BNC2: variants seen among roughly 807,000 people sequenced by gnomAD.
The protein encoded by BNC2 is zinc finger protein basonuclin-2.
In BNC2, 20 loss-of-function variants were observed where a neutral mutation model predicts 76.3. The ratio of observed to expected loss-of-function variants is 0.26; its 90% confidence interval spans 0.18 to 0.38. The LOEUF (loss-of-function observed/expected upper bound fraction) is 0.38, where lower values mean the gene tolerates loss of function less well. Among genes scored for constraint, BNC2 ranks in the 10% least tolerant of loss-of-function variants. The pLI is 1.00. For missense variants in BNC2, 1,382 were observed against 1,399.8 expected, an observed-to-expected ratio of 0.99 and a Z score of 0.20; for synonymous variants, 582 against 514.8, an observed-to-expected ratio of 1.13 and a Z score of -1.77.
intron 5 of BNC2, among the ~76,000 whole-genome samples, chr9:16,470,616 G>C (rs1821802342): frequency 6.6e-6 from 1 of 152,208 alleles, no homozygotes; most frequent in Admixed American, 6.5e-5. Context: ...AGCCGCTCTA[G>C]CTGTGGCTGA....
intron 1 of BNC2, among the ~76,000 whole-genome samples, chr9:16,849,351 G>GTTTT (rs1819068833): frequency 9.1e-6 from 1 of 109,956 alleles, no homozygotes; most frequent in African/African-American, 3.5e-5. Context: ...CCATGCAAAA[G>GTTTT]ATTTTTTTTT....
At chr9:16,539,591 AG>A (rs1379424152) in intron 5 of BNC2, among the ~76,000 whole-genome samples, 2 of 66,290 alleles carry the variant, frequency 3.0e-5, no homozygotes, top group Admixed American at 1.8e-4. Context: ...GAAGGGAGGG[AG>A]GGAGCGAGGG....
intron 3 of BNC2, among the ~76,000 whole-genome samples, chr9:16,663,557 G>T (rs1159879290): frequency 6.6e-6 from 1 of 152,100 alleles, no homozygotes. Flanking sequence ...CTAATATTAT[G>T]ATATTCTTGG....
At chr9:16,420,769 G>T (rs1820694581) in intron 6 of BNC2, among the ~76,000 whole-genome samples, 1 of 151,884 alleles carries the variant, frequency 6.6e-6, no homozygotes, top group African/African-American at 2.4e-5. Context: ...GATTTACAAA[G>T]CCTGATATGT....
At chr9:16,577,559 A>G (rs1819520714) in intron 4 of BNC2, among the ~76,000 whole-genome samples, 1 of 152,158 alleles carries the variant, frequency 6.6e-6, no homozygotes, top group East Asian at 1.9e-4. Context: ...CTGACTGATG[A>G]TCTGGATGAT....
At chr9:16,446,203 ACT>A (rs1056444391) in intron 5 of BNC2, among the ~76,000 whole-genome samples, 24 of 152,154 alleles carry the variant, frequency 1.6e-4, no homozygotes, top group African/African-American at 5.5e-4. Context: ...ATTATATACT[ACT>A]CTCATTATAA....
chr9:16,616,577 T>C (rs1294107418), intron 3 of BNC2, among the ~76,000 whole-genome samples: 1 of 151,300 alleles, frequency 6.6e-6, no homozygotes, highest in African/African-American at 2.4e-5. Flanking sequence ...TCTCAGCAAC[T>C]TGGGAGGCTG....
intron 1 of BNC2, among the ~76,000 whole-genome samples, chr9:16,778,443 T>A (rs1826029911): frequency 1.3e-5 from 2 of 152,094 alleles, no homozygotes; most frequent in South Asian, 4.1e-4. Context: ...AAATCCTTCT[T>A]TTCAGCCAAA....
At chr9:16,706,559 G>A (rs2297174) in intron 3 of BNC2, among the ~76,000 whole-genome samples, 91,015 of 152,084 alleles carry the variant, frequency 0.6, 30,806 homozygotes, top group Non-Finnish European at 0.79. Context: ...TCTCAAAGCA[G>A]GTTAACATGC....
In BNC2 at chr9:16,677,606, C is replaced by CACACACACACAG. The variant is rs1455196025; in HGVS notation, c.330+50190_330+50191insCTGTGTGTGTGT. On this transcript the variant is annotated intron_variant, in intron 3 of 6. Transcript: ENST00000380672. Reference sequence around the variant, plus strand: ...ACACACACACACACACACACACACACAGTAGCAATATCCTGACTACTGGTC... The same window carrying CACACACACACAG: ...ACACACACACACACACACACACACACACACACACACAGAGTAGCAATATCCTGACTACTGGTC... Among the ~76,000 whole-genome samples the CACACACACACAG allele has an allele frequency of 9.8e-4, 149 of 151,396 alleles. 1 individual carries two copies. Among genetic ancestry groups the CACACACACACAG allele is most frequent in the African/African-American group, 3.6e-3 (146 of 40,834 alleles).
intron 5 of BNC2, among the ~76,000 whole-genome samples, chr9:16,515,372 G>T (rs939027636): frequency 6.6e-6 from 1 of 152,204 alleles, no homozygotes; most frequent in African/African-American, 2.4e-5. Context: ...AAGCTGTGCT[G>T]AAAGGAATGC....
chr9:16,778,420 T>G (rs1826029364), intron 1 of BNC2, among the ~76,000 whole-genome samples: 1 of 152,014 alleles, frequency 6.6e-6, no homozygotes, highest in African/African-American at 2.4e-5. Flanking sequence ...CCAACAATGA[T>G]CATAATATAT....
chr9:16,520,589 A>G (rs1310310705), intron 5 of BNC2, among the ~76,000 whole-genome samples: 1 of 152,178 alleles, frequency 6.6e-6, no homozygotes, highest in Non-Finnish European at 1.5e-5. Flanking sequence ...AAGAGATAGG[A>G]CATTCTCTGA....
intron 5 of BNC2, among the ~76,000 whole-genome samples, chr9:16,484,528 CTG>C (rs1174394508): frequency 1.2e-4 from 18 of 152,292 alleles, no homozygotes; most frequent in African/African-American, 4.1e-4. Flanking sequence ...CAAAACAACT[CTG>C]AATGTCACAC....
At chr9:16,494,482 G>A (rs1822343778) in intron 5 of BNC2, among the ~76,000 whole-genome samples, 1 of 152,002 alleles carries the variant, frequency 6.6e-6, no homozygotes, top group South Asian at 2.1e-4. Flanking sequence ...AAAAGACAAA[G>A]TGGAGAAAGA....
intron 3 of BNC2, among the ~76,000 whole-genome samples, chr9:16,610,109 A>G (rs900491509): frequency 2.8e-5 from 4 of 144,246 alleles, no homozygotes; most frequent in African/African-American, 1.0e-4. Flanking sequence ...TAGATATCAC[A>G]CAATGCAGTG....
At chr9:16,810,479 T>C (rs1818019134) in intron 1 of BNC2, among the ~76,000 whole-genome samples, 1 of 152,166 alleles carries the variant, frequency 6.6e-6, no homozygotes, top group African/African-American at 2.4e-5. Flanking sequence ...ACAATGACAA[T>C]GAGTCTGTGA....
At chr9:16,481,335 T>G (rs1004881875) in intron 5 of BNC2, among the ~76,000 whole-genome samples, 7 of 152,078 alleles carry the variant, frequency 4.6e-5, no homozygotes, top group African/African-American at 1.7e-4. Context: ...CCCTTCCACA[T>G]CGTGGAAGCT....
chr9:16,491,036 G>C lies in BNC2; in HGVS notation c.670-53512C>G, dbSNP rs116440201. On this transcript the variant is annotated intron_variant, in intron 5 of 6. Transcript: ENST00000380672. ...GGTGTGGAGGCGGAGCACAAGTCTG[G>C]AGGACAGAGACGCAGACAGACAACG... 5.0e-3 allele frequency among the ~76,000 whole-genome samples: 754 copies of C among 152,294 alleles called. 5 individuals are homozygous for C. The highest frequency in any genetic ancestry group is 0.017 in the African/African-American group (711 of 41,558).
Sources: allele counts gnomAD v4.1 joint callset (sites outside exome capture counted in the v4.1 genomes callset), GRCh38; gene constraint gnomAD v4.1.1; transcripts MANE v1.5; gene names NCBI Gene and HGNC (gene_info 2026-07-23, HGNC 2026-07-21).